SPOCK1: variants seen among roughly 807,000 people sequenced by gnomAD.
The protein encoded by SPOCK1 is SPARC (osteonectin), cwcv and kazal like domains proteoglycan 1, also known as testican-1.
In SPOCK1, 23 loss-of-function variants were observed where a neutral mutation model predicts 55.3. The observed-to-expected ratio is 0.42, with a 90% CI of 0.30 to 0.59. The LOEUF (loss-of-function observed/expected upper bound fraction) is 0.59. Ranked by LOEUF, SPOCK1 falls within the 20% of genes least tolerant of loss-of-function variation. The pLI is 0.22. For missense variants in SPOCK1, 499 were observed against 552.5 expected, an observed-to-expected ratio of 0.90 and a Z score of 0.97; for synonymous variants, 226 against 221.0, an observed-to-expected ratio of 1.02 and a Z score of -0.20.
intron 3 of SPOCK1, among the ~76,000 whole-genome samples, chr5:137,155,925 C>G (rs1247308966): frequency 6.6e-6 from 1 of 152,228 alleles, no homozygotes; most frequent in Non-Finnish European, 1.5e-5. Flanking sequence ...TCATTGGAAG[C>G]CAAGTCAACA....
At chr5:137,409,514 C>T (rs1368145216) in intron 2 of SPOCK1, among the ~76,000 whole-genome samples, 1 of 152,194 alleles carries the variant, frequency 6.6e-6, no homozygotes, top group Non-Finnish European at 1.5e-5. Context: ...CATGTGCTAG[C>T]TGTGTGTCAC....
intron 5 of SPOCK1, among the ~76,000 whole-genome samples, chr5:137,084,922 T>A (rs1218685250): frequency 8.3e-6 from 1 of 120,848 alleles, no homozygotes; most frequent in Non-Finnish European, 1.6e-5. Flanking sequence ...TTGGGATCCA[T>A]CCTCATCAGA....
At chr5:137,391,373 A>C (rs1751719154) in intron 2 of SPOCK1, among the ~76,000 whole-genome samples, 1 of 151,982 alleles carries the variant, frequency 6.6e-6, no homozygotes, top group South Asian at 2.1e-4. Context: ...TGTGCTGGTG[A>C]ATATTGAGGG....
At chr5:137,341,790 G>T (rs542904324) in intron 2 of SPOCK1, among the ~76,000 whole-genome samples, 1 of 152,200 alleles carries the variant, frequency 6.6e-6, no homozygotes, top group Non-Finnish European at 1.5e-5. Context: ...TGTTTACAAC[G>T]ATGTGGGTAA....
intron 7 of SPOCK1, among the ~76,000 whole-genome samples, chr5:136,989,465 A>G (rs1183925689): frequency 6.6e-6 from 1 of 152,196 alleles, no homozygotes; most frequent in African/African-American, 2.4e-5. Flanking sequence ...TTCTAGGGCT[A>G]GTTGTATTTT....
intron 2 of SPOCK1, among the ~76,000 whole-genome samples, chr5:137,422,047 T>A (rs1238652978): frequency 2.0e-5 from 3 of 152,254 alleles, no homozygotes; most frequent in Non-Finnish European, 4.4e-5. Context: ...TATTTCTCCT[T>A]CACTTATGAA....
In SPOCK1 at chr5:136,977,785, G is replaced by A. The variant is rs1209692765; in HGVS notation, c.*869C>T. The A allele has an allele frequency of 5.0e-6, 2 of 398,874 alleles. No homozygotes were observed. Among genetic ancestry groups the A allele is most frequent in the Non-Finnish European group, 8.8e-6 (2 of 226,062 alleles). The allele number at this position is 398,874 out of a possible 1,614,324, so 24.7% of individuals were successfully genotyped here. A position where few individuals can be genotyped will look rare whatever the true frequency, so the allele number is the denominator to read the frequency against. On this transcript the variant is annotated 3_prime_UTR_variant, in exon 11 of 11. Coordinates refer to ENST00000394945, the MANE Select transcript of SPOCK1 (RefSeq NM_004598.4). Reference sequence around the variant, plus strand: ...CTTTCAGTAACTCTGCTGATGCACAGAGAAGAGACTTCCTCAGCCTGCAGG... The same window carrying A: ...CTTTCAGTAACTCTGCTGATGCACAAAGAAGAGACTTCCTCAGCCTGCAGG...
At chr5:136,979,630 C>T in intron 9 of SPOCK1, 161 bp from the exon 10 acceptor site, 1 of 885,050 alleles carries the variant, frequency 1.1e-6, no homozygotes, top group Non-Finnish European at 1.7e-6. Flanking sequence ...TTACAGGGCC[C>T]TTAACCTTTA....
chr5:137,184,591 G>A (rs1351702923), intron 3 of SPOCK1, among the ~76,000 whole-genome samples: 4 of 152,130 alleles, frequency 2.6e-5, no homozygotes, highest in Non-Finnish European at 5.9e-5. Context: ...TCCATGAGTC[G>A]ATGAAATCAC....
intron 2 of SPOCK1, among the ~76,000 whole-genome samples, chr5:137,483,714 A>C (rs1042079340): frequency 2.6e-5 from 4 of 152,114 alleles, no homozygotes; most frequent in Non-Finnish European, 5.9e-5. Context: ...CATGGCTTCT[A>C]CTCACTAGAT....
intron 5 of SPOCK1, among the ~76,000 whole-genome samples, chr5:137,107,758 C>T (rs1440667958): frequency 6.6e-6 from 1 of 152,072 alleles, no homozygotes; most frequent in African/African-American, 2.4e-5. Context: ...TTGATGAAAC[C>T]CAAGGACAGA....
chr5:137,355,731 C>T (rs560693889), intron 2 of SPOCK1, among the ~76,000 whole-genome samples: 29 of 152,248 alleles, frequency 1.9e-4, no homozygotes, highest in African/African-American at 6.3e-4. Context: ...AACACCCCCC[C>T]ACACCACTCT....
chr5:137,483,504 G>A (rs1753991834), intron 2 of SPOCK1, among the ~76,000 whole-genome samples: 1 of 152,116 alleles, frequency 6.6e-6, no homozygotes, highest in African/African-American at 2.4e-5. Flanking sequence ...CAGAGCCTAG[G>A]AGAGTACCTG....
intron 6 of SPOCK1, among the ~76,000 whole-genome samples, chr5:137,045,361 T>C (rs1752089807): frequency 1.8e-5 from 1 of 54,982 alleles, no homozygotes; most frequent in Non-Finnish European, 3.6e-5. Flanking sequence ...TGATATCTCA[T>C]AGTGGTTTTG....
intron 2 of SPOCK1, among the ~76,000 whole-genome samples, chr5:137,274,849 A>G (rs184913300): frequency 1.3e-5 from 2 of 152,368 alleles, no homozygotes; most frequent in Admixed American, 1.3e-4. Flanking sequence ...GACACGTACT[A>G]TCTAAGATTC....
chr5:137,431,413 C>T (rs1442231004), intron 2 of SPOCK1, among the ~76,000 whole-genome samples: 2 of 152,178 alleles, frequency 1.3e-5, no homozygotes, highest in Non-Finnish European at 2.9e-5. Context: ...ATGAAATGAA[C>T]ATACTATAAC....
intron 2 of SPOCK1, among the ~76,000 whole-genome samples, chr5:137,281,880 G>C (rs1358172385): frequency 6.6e-6 from 1 of 152,196 alleles, no homozygotes; most frequent in African/African-American, 2.4e-5. Context: ...TCTTAGCCCA[G>C]CTTGGAGCTA....
intron 2 of SPOCK1, among the ~76,000 whole-genome samples, chr5:137,330,112 C>T (rs1580869827): frequency 6.6e-6 from 1 of 152,230 alleles, no homozygotes. Flanking sequence ...GACGAGCTGC[C>T]CAAAGCACAG....
intron 4 of SPOCK1, among the ~76,000 whole-genome samples, chr5:137,137,859 GATA>G (rs1255856439): frequency 6.6e-6 from 1 of 152,150 alleles, no homozygotes; most frequent in Non-Finnish European, 1.5e-5. Context: ...AAATGAAGTA[GATA>G]ATAATAACTA....
Sources: gnomAD v4.1 joint callset for allele counts (sites outside exome capture counted in the v4.1 genomes callset) on GRCh38, gnomAD v4.1.1 for gene constraint, MANE v1.5 for transcripts, NCBI Gene and HGNC (gene_info 2026-07-23, HGNC 2026-07-21) for gene names.